SLC25A13: variants seen among roughly 807,000 people sequenced by gnomAD.
SLC25A13 encodes solute carrier family 25 member 13, also known as electrogenic aspartate/glutamate antiporter SLC25A13, mitochondrial.
SLC25A13 carries 70 observed loss-of-function variants against 85.5 expected under a neutral mutation model. That is an observed-to-expected ratio of 0.82 (90% confidence interval 0.68 to 1.00). The LOEUF (loss-of-function observed/expected upper bound fraction) is 1.00. SLC25A13 is among the 50% of genes least tolerant of loss of function. The pLI is 0.00. For missense variants in SLC25A13, 765 were observed against 819.8 expected, an observed-to-expected ratio of 0.93 and a Z score of 0.82; for synonymous variants, 259 against 288.7, an observed-to-expected ratio of 0.90 and a Z score of 1.04.
intron 3 of SLC25A13, among the ~76,000 whole-genome samples, chr7:96,265,773 C>T (rs1330580235): frequency 6.6e-6 from 1 of 152,112 alleles, no homozygotes; most frequent in Non-Finnish European, 1.5e-5. Context: ...TATCCTAGTA[C>T]TTGGTAATTT....
At chr7:96,295,146 C>T (rs1290995808) in intron 2 of SLC25A13, among the ~76,000 whole-genome samples, 3 of 152,094 alleles carry the variant, frequency 2.0e-5, no homozygotes, top group Non-Finnish European at 4.4e-5. Flanking sequence ...CACCTGAGGT[C>T]AGGAGTTCAA....
chr7:96,179,525 G>T (rs1390011499), intron 11 of SLC25A13, among the ~76,000 whole-genome samples: 1 of 152,186 alleles, frequency 6.6e-6, no homozygotes, highest in Non-Finnish European at 1.5e-5. Context: ...AATGCCCTGT[G>T]CTCACTAAAG....
At chr7:96,130,886 C>T (rs1426391542) in intron 15 of SLC25A13, among the ~76,000 whole-genome samples, 1 of 152,190 alleles carries the variant, frequency 6.6e-6, no homozygotes, top group African/African-American at 2.4e-5. Flanking sequence ...AGGGGTTCCC[C>T]AGGCTGCAGC....
chr7:96,190,445 C>G (rs941039678), intron 7 of SLC25A13, among the ~76,000 whole-genome samples: 1 of 151,958 alleles, frequency 6.6e-6, no homozygotes, highest in Non-Finnish European at 1.5e-5. Flanking sequence ...CCCAAGCCTA[C>G]AGACCAACTT....
chr7:96,139,766 C>G (rs1198000153), intron 14 of SLC25A13, among the ~76,000 whole-genome samples: 2 of 152,140 alleles, frequency 1.3e-5, no homozygotes, highest in Admixed American at 1.3e-4. Flanking sequence ...ATAATGTCTT[C>G]CAGACTTATC....
At chr7:96,199,765 T>C (rs1479984446) in intron 5 of SLC25A13, among the ~76,000 whole-genome samples, 2 of 151,410 alleles carry the variant, frequency 1.3e-5, no homozygotes, top group Non-Finnish European at 2.9e-5. Context: ...CAGACTGCTG[T>C]AGAAAAAAAA....
intron 11 of SLC25A13, among the ~76,000 whole-genome samples, chr7:96,179,572 A>C (rs953008899): frequency 1.5e-4 from 23 of 152,254 alleles, no homozygotes; most frequent in African/African-American, 4.3e-4. Flanking sequence ...TGGCTAACCC[A>C]ACAAATGATC....
intron 9 of SLC25A13, among the ~76,000 whole-genome samples, chr7:96,188,069 G>C (rs1209260882): frequency 2.6e-5 from 4 of 152,236 alleles, no homozygotes; most frequent in African/African-American, 7.2e-5. Flanking sequence ...AAGAGTAGGA[G>C]GGATCTAAAA....
At chr7:96,175,612 C>T (rs960815968) in intron 11 of SLC25A13, among the ~76,000 whole-genome samples, 35 of 152,318 alleles carry the variant, frequency 2.3e-4, no homozygotes, top group African/African-American at 8.4e-4. Flanking sequence ...TGTCCGACTC[C>T]AGCCTGTGCT....
chr7:96,191,329 G>C, intron 6 of SLC25A13, 82 bp from the exon 7 acceptor site: 1 of 1,421,432 alleles, frequency 7.0e-7, no homozygotes, highest in Admixed American at 1.8e-5. Flanking sequence ...TCTAAAACTA[G>C]TTTGAAAGTA....
intron 13 of SLC25A13, among the ~76,000 whole-genome samples, chr7:96,158,427 T>C (rs1250401047): frequency 2.0e-5 from 3 of 152,210 alleles, no homozygotes; most frequent in Admixed American, 6.5e-5. Context: ...CTAAAAGCAA[T>C]AAATATAACT....
At chr7:96,219,516 G>T in intron 4 of SLC25A13, 1 of 328,742 alleles carries the variant, frequency 3.0e-6, no homozygotes, top group South Asian at 2.6e-5. Context: ...TATGAAACTA[G>T]TCACCTTTTC....
chr7:96,126,013 CTT>C (rs1188376462), intron 15 of SLC25A13, among the ~76,000 whole-genome samples: 2 of 152,086 alleles, frequency 1.3e-5, no homozygotes, highest in East Asian at 3.9e-4. Context: ...TGTTCACTTA[CTT>C]TGTTGCTCCT....
chr7:96,180,494 A>C (rs773836936), intron 11 of SLC25A13, among the ~76,000 whole-genome samples: 3 of 152,122 alleles, frequency 2.0e-5, no homozygotes, highest in Non-Finnish European at 4.4e-5. Context: ...ATGCCCAGCC[A>C]ATTTTTGTAT....
intron 3 of SLC25A13, among the ~76,000 whole-genome samples, chr7:96,242,379 C>T (rs1000921950): frequency 1.3e-5 from 2 of 152,136 alleles, no homozygotes; most frequent in African/African-American, 4.8e-5. Context: ...TCTTTCCCGC[C>T]CATATTCCTT....
intron 14 of SLC25A13, among the ~76,000 whole-genome samples, chr7:96,145,367 A>G (rs1409588872): frequency 6.6e-6 from 1 of 152,170 alleles, no homozygotes; most frequent in Non-Finnish European, 1.5e-5. Context: ...AATTATTACT[A>G]ATTCTGGATG....
intron 13 of SLC25A13, among the ~76,000 whole-genome samples, chr7:96,165,153 A>C (rs1476605576): frequency 1.3e-5 from 2 of 152,216 alleles, no homozygotes; most frequent in Non-Finnish European, 2.9e-5. Context: ...CTTGTACTCT[A>C]CCATGAAGGA....
chr7:96,206,975 T>G (rs983035373), intron 5 of SLC25A13, among the ~76,000 whole-genome samples: 1 of 152,204 alleles, frequency 6.6e-6, no homozygotes, highest in African/African-American at 2.4e-5. Context: ...TTTGAGGCAT[T>G]TGTCTCAATA....
At position 96,184,434 on chromosome 7, in the gene SLC25A13, A is replaced by G. The variant is rs1239116210; in HGVS notation, c.1020T>C (p.Ala340=). The G allele has an allele frequency of 6.2e-7, 1 of 1,613,866 alleles. No individual in the cohort carries two copies. Among genetic ancestry groups the G allele is most frequent in the South Asian group, 1.1e-5 (1 of 91,038 alleles). The part of the protein sequence containing the change: ...YRFGLGSVAG[A]VGATAVYPID... ...TAGGATACACAGCAGTGGCTCCAAC[A>G]GCTAAAATTAAACAATATCATTATC... Residue 340 remains alanine, a splice_region_variant and synonymous_variant, in exon 11 of 18, where the codon GCT becomes GCC. Transcript: ENST00000265631.
Sources: allele counts gnomAD v4.1 joint callset (sites outside exome capture counted in the v4.1 genomes callset), GRCh38; gene constraint gnomAD v4.1.1; transcripts MANE v1.5; gene names NCBI Gene and HGNC (gene_info 2026-07-23, HGNC 2026-07-21).